TTC17: variants seen among roughly 807,000 people sequenced by gnomAD.
TTC17 encodes the protein tetratricopeptide repeat protein 17.
A neutral mutation model predicts 143.8 loss-of-function variants in TTC17; 58 were observed. That is an observed-to-expected ratio of 0.40 (90% CI 0.33 to 0.50). TTC17 has a LOEUF of 0.50. TTC17 is among the 20% of genes least tolerant of loss of function. TTC17 has a pLI of 0.49. For missense variants in TTC17, 1,273 were observed against 1,392.5 expected, an observed-to-expected ratio of 0.91 and a Z score of 1.37; for synonymous variants, 501 against 497.8, an observed-to-expected ratio of 1.01 and a Z score of -0.09.
chr11:43,401,743 C>T, intron 10 of TTC17, 185 bp downstream of exon 10: 1 of 482,690 alleles, frequency 2.1e-6, no homozygotes, highest in South Asian at 2.6e-5. Context: ...CTTAGGGAGG[C>T]AGAGGCAGAA....
chr11:43,364,078 CG>C (rs1391536269), intron 1 of TTC17, among the ~76,000 whole-genome samples: 1 of 102,808 alleles, frequency 9.7e-6, no homozygotes, highest in Non-Finnish European at 1.8e-5. Context: ...TTTTTTGAGA[CG>C]GAGTCTCACT....
intron 18 of TTC17, chr11:43,446,152 C>G: frequency 7.5e-7 from 1 of 1,338,788 alleles, no homozygotes; most frequent in South Asian, 2.3e-5. Flanking sequence ...ATTCTCTGAA[C>G]CAACCATGCT....
chr11:43,371,031 G>T (rs903296194), intron 1 of TTC17, among the ~76,000 whole-genome samples: 2 of 151,392 alleles, frequency 1.3e-5, no homozygotes, highest in Admixed American at 6.6e-5. Flanking sequence ...GGTGGGGGGG[G>T]GGGTCTTGAA....
At chr11:43,400,397 G>A (rs546004476) in intron 9 of TTC17, among the ~76,000 whole-genome samples, 1 of 152,160 alleles carries the variant, frequency 6.6e-6, no homozygotes, top group South Asian at 2.1e-4. Context: ...TGATTCAGTA[G>A]GTCTGAATTG....
Position 43,456,594 on chromosome 11 carries a change from A to C in TTC17, c.3030+5329A>C, listed in dbSNP as rs546621162. ...AAGCTATCACAAAACTAGGCAAGCAACAAGATATGAAAGAACTAAATTGCT... is the reference window on the plus strand; with the variant it reads ...AAGCTATCACAAAACTAGGCAAGCACCAAGATATGAAAGAACTAAATTGCT... On this transcript the variant is annotated intron_variant, in intron 21 of 23. Coordinates refer to ENST00000039989, the MANE Select transcript of TTC17 (RefSeq NM_018259.6). Among the ~76,000 whole-genome samples, 7 of 152,330 alleles carry C rather than the reference A, an allele frequency of 4.6e-5. No individual in the cohort carries two copies. In the East Asian group the frequency reaches 1.4e-3, roughly 29 times the overall value.
chr11:43,390,043 A>C (rs1857317614), intron 3 of TTC17, among the ~76,000 whole-genome samples: 1 of 152,174 alleles, frequency 6.6e-6, no homozygotes, highest in African/African-American at 2.4e-5. Context: ...GTGGTGCCTC[A>C]CACCTATAAT....
chr11:43,361,127 G>A (rs1856086823), intron 1 of TTC17, among the ~76,000 whole-genome samples: 3 of 152,162 alleles, frequency 2.0e-5, no homozygotes, highest in African/African-American at 7.2e-5. Flanking sequence ...GTGAGCTGCC[G>A]AGTTCCACTC....
intron 21 of TTC17, among the ~76,000 whole-genome samples, chr11:43,463,020 A>T (rs1947901235): frequency 1.3e-5 from 2 of 150,350 alleles, no homozygotes; most frequent in African/African-American, 4.9e-5. Flanking sequence ...GGTTCAAGTG[A>T]TTCTCCTGCC....
At chr11:43,443,965 A>C (rs1947481374) in intron 17 of TTC17, 91 bp from the exon 18 acceptor site, 1 of 1,402,820 alleles carries the variant, frequency 7.1e-7, no homozygotes, top group East Asian at 2.3e-5. Flanking sequence ...ACCTGAGCAC[A>C]GTACTTGGTT....
chr11:43,476,731 C>G (rs946540969), intron 21 of TTC17, among the ~76,000 whole-genome samples: 1 of 152,226 alleles, frequency 6.6e-6, no homozygotes, highest in Non-Finnish European at 1.5e-5. Flanking sequence ...GCCCAGCCCA[C>G]AAAACCACTT....
intron 11 of TTC17, among the ~76,000 whole-genome samples, chr11:43,404,642 G>A (rs143349038): frequency 1.2e-3 from 179 of 152,186 alleles, no homozygotes; most frequent in African/African-American, 3.7e-3. Context: ...TAGCTGAGGC[G>A]GATACCAAGG....
chr11:43,434,988 AAG>A (rs1215272438), intron 16 of TTC17: 3 of 152,178 alleles, frequency 2.0e-5, no homozygotes, highest in Admixed American at 6.5e-5. Context: ...TGAAATCTGA[AAG>A]AGAGCCATCA....
At chr11:43,393,756 CT>C (rs1857477479) in intron 5 of TTC17, among the ~76,000 whole-genome samples, 1 of 152,148 alleles carries the variant, frequency 6.6e-6, no homozygotes, top group Admixed American at 6.5e-5. Context: ...CACATTACTC[CT>C]GTGATTCTTC....
chr11:43,402,516 A>G (rs1857910892), intron 10 of TTC17, among the ~76,000 whole-genome samples: 1 of 152,148 alleles, frequency 6.6e-6, no homozygotes, highest in Non-Finnish European at 1.5e-5. Flanking sequence ...ACCAGATAGT[A>G]TATAATAGAT....
intron 2 of TTC17, among the ~76,000 whole-genome samples, chr11:43,384,820 T>C (rs1258850765): frequency 6.6e-6 from 1 of 152,218 alleles, no homozygotes; most frequent in Non-Finnish European, 1.5e-5. Flanking sequence ...GTAAAATGGC[T>C]TTCCATCAGG....
At chr11:43,402,975 G>A (rs1253701639) in intron 10 of TTC17, among the ~76,000 whole-genome samples, 1 of 152,058 alleles carries the variant, frequency 6.6e-6, no homozygotes, top group African/African-American at 2.4e-5. Flanking sequence ...CAAAAATTAA[G>A]AAGCCATTTT....
chr11:43,397,455 C>G lies in TTC17; in HGVS notation c.882C>G (p.Phe294Leu). The G allele has an allele frequency of 6.2e-7, 1 of 1,612,712 alleles. No individual in the cohort carries two copies. The highest frequency in any genetic ancestry group is 8.5e-7 in the Non-Finnish European group (1 of 1,179,814). ...VVHAALDDSDFFTSYYTLGNI... is the reference protein window; with the variant it reads ...VVHAALDDSDLFTSYYTLGNI... ...ATGCAGCTCTGGATGACAGTGACTT[C>G]TTCACCAGCTATTACACTTTGGGGA... Residue 294 changes from phenylalanine to leucine, a missense_variant, in exon 7 of 24, where the codon TTC becomes TTG. Phe to Leu is a conservative substitution (Grantham distance 22). This residue lies in a region of TTC17 where 325 missense variants were observed against 444.2 expected (regional missense o/e 0.73). Transcript: ENST00000039989.
intron 16 of TTC17, among the ~76,000 whole-genome samples, chr11:43,426,284 T>C (rs775827054): frequency 3.9e-5 from 6 of 152,220 alleles, no homozygotes; most frequent in Non-Finnish European, 1.5e-5. Flanking sequence ...CTGGAAACCA[T>C]GTTATTACCT....
intron 21 of TTC17, among the ~76,000 whole-genome samples, chr11:43,452,640 T>C (rs966787863): frequency 1.3e-5 from 2 of 151,892 alleles, no homozygotes; most frequent in African/African-American, 4.8e-5. Flanking sequence ...CTTTTCTCCA[T>C]GGATTAAAAT....
Sources: allele counts gnomAD v4.1 joint callset (sites outside exome capture counted in the v4.1 genomes callset), GRCh38; gene constraint gnomAD v4.1.1; regional missense constraint gnomAD v4.1.1; transcripts MANE v1.5; gene names NCBI Gene and HGNC (gene_info 2026-07-23, HGNC 2026-07-21).